The following GRM8 variants were observed in gnomAD, a reference collection of about 807,000 sequenced individuals.
The protein encoded by GRM8 is metabotropic glutamate receptor 8.
In GRM8, 47 loss-of-function variants were observed where a neutral mutation model predicts 87.2. The ratio of observed to expected loss-of-function variants is 0.54; its 90% CI spans 0.43 to 0.69. The LOEUF (loss-of-function observed/expected upper bound fraction) is 0.69. Among genes scored for constraint, GRM8 ranks in the 30% least tolerant of loss-of-function variants. GRM8 has a pLI of 0.00. For missense variants in GRM8, 1,019 were observed against 1,139.2 expected, an observed-to-expected ratio of 0.89 and a Z score of 1.52; for synonymous variants, 396 against 404.5, an observed-to-expected ratio of 0.98 and a Z score of 0.25.
intron 2 of GRM8, among the ~76,000 whole-genome samples, chr7:127,182,640 TG>T (rs1794521766): frequency 2.5e-5 from 1 of 40,114 alleles, no homozygotes; most frequent in Non-Finnish European, 5.1e-5. Flanking sequence ...GTGGTGTGTG[TG>T]TGTGTGTGTG....
At chr7:126,461,698 C>T (rs147655327) in intron 9 of GRM8, among the ~76,000 whole-genome samples, 100 of 151,688 alleles carry the variant, frequency 6.6e-4, no homozygotes, top group African/African-American at 2.3e-3. Context: ...GGCTCTGGTA[C>T]CTAGGCTTGC....
chr7:126,601,925 T>C (rs1326757593), intron 8 of GRM8, among the ~76,000 whole-genome samples: 1 of 137,966 alleles, frequency 7.2e-6, no homozygotes, highest in Non-Finnish European at 1.6e-5. Flanking sequence ...GTGCAGAAGC[T>C]CTTTAGTTTA....
intron 2 of GRM8, among the ~76,000 whole-genome samples, chr7:127,213,787 G>A (rs558246656): frequency 5.3e-4 from 81 of 152,196 alleles, no homozygotes; most frequent in African/African-American, 1.6e-3. Flanking sequence ...ATATGGTTTT[G>A]TTTACTGAAC....
intron 1 of GRM8, among the ~76,000 whole-genome samples, chr7:127,249,564 G>T (rs1487734577): frequency 6.6e-6 from 1 of 152,148 alleles, no homozygotes; most frequent in Non-Finnish European, 1.5e-5. Flanking sequence ...AGGGTGTCCT[G>T]GGATGAGACA....
chr7:126,676,215 T>C lies in GRM8; in HGVS notation c.1358-66717A>G, dbSNP rs548678588. On this transcript the variant is annotated intron_variant, in intron 7 of 10. Coordinates refer to ENST00000339582, the MANE Select transcript of GRM8 (RefSeq NM_000845.3). The stretch of plus-strand genomic sequence containing the variant: ...TCTCTACAAGGAGACTATCACATGC[T>C]GCTGAAATAAATCACACAAACACAT... 2.8e-4 allele frequency among the ~76,000 whole-genome samples: 43 copies of C among 152,202 alleles called. No homozygotes were observed. The South Asian group carries it at 8.9e-3, about 32-fold the overall frequency.
chr7:126,439,165 G>A lies in GRM8; in HGVS notation c.2681C>T (p.Ser894Phe), dbSNP rs758867322. Residue 894 changes from serine (S) to phenylalanine (F), a missense_variant, in exon 11 of 11, where the codon TCC becomes TTC. Ser to Phe is a radical substitution (Grantham distance 155, BLOSUM62 -2). Coordinates refer to ENST00000339582, the MANE Select transcript of GRM8 (RefSeq NM_000845.3). ...ACTGATATATGTTGTCTTGGTAGAG[G>A]AAGCTGTTAAGATAAATGAGGACAA... ...ELCESLETNT[S>F]STKTTYISYS... 1 of 1,538,202 alleles carries A rather than the reference G, an allele frequency of 6.5e-7. No individual in the cohort carries two copies. The highest frequency in any genetic ancestry group is 2.3e-5 in the East Asian group (1 of 44,392).
At chr7:127,140,626 T>A (rs541453953) in intron 2 of GRM8, among the ~76,000 whole-genome samples, 1 of 152,100 alleles carries the variant, frequency 6.6e-6, no homozygotes, top group Non-Finnish European at 1.5e-5. Flanking sequence ...CCCTGACTGA[T>A]TTCCATCTCT....
chr7:126,949,557 C>T lies in GRM8; in HGVS notation c.728-44874G>A, dbSNP rs115393250. Among the ~76,000 whole-genome samples, 4 of 152,246 alleles carry T rather than the reference C, an allele frequency of 2.6e-5. No homozygotes were observed. The South Asian group carries it at 8.3e-4, about 32-fold the overall frequency. On this transcript the variant is annotated intron_variant, in intron 3 of 10. Transcript: ENST00000339582. ...AAAGCAGTATGCCTATCTCTGTCCT[C>T]GAATATCTCCATGGTTTTGTGAGTT...
At chr7:126,715,026 T>C (rs769205720) in intron 7 of GRM8, among the ~76,000 whole-genome samples, 1 of 152,206 alleles carries the variant, frequency 6.6e-6, no homozygotes, top group Admixed American at 6.5e-5. Context: ...TCTCAATCTA[T>C]GGTACATATC....
chr7:127,196,587 T>C (rs1311784564), intron 2 of GRM8, among the ~76,000 whole-genome samples: 1 of 151,958 alleles, frequency 6.6e-6, no homozygotes, highest in East Asian at 1.9e-4. Flanking sequence ...CAAGTATCCT[T>C]TAGATAACAT....
intron 6 of GRM8, among the ~76,000 whole-genome samples, chr7:126,881,842 G>A (rs1291560041): frequency 6.6e-6 from 1 of 152,174 alleles, no homozygotes; most frequent in Non-Finnish European, 1.5e-5. Context: ...AGTGCTAAAT[G>A]AATTGTAACT....
At chr7:127,002,783 G>GTA (rs1813861753) in intron 3 of GRM8, among the ~76,000 whole-genome samples, 1 of 151,698 alleles carries the variant, frequency 6.6e-6, no homozygotes, top group Non-Finnish European at 1.5e-5. Context: ...AAGTGATGGT[G>GTA]TATATATTCC....
At chr7:126,775,277 T>A (rs1186657237) in intron 6 of GRM8, among the ~76,000 whole-genome samples, 1 of 152,088 alleles carries the variant, frequency 6.6e-6, no homozygotes, top group Non-Finnish European at 1.5e-5. Context: ...TAGGCCCAGA[T>A]TTAGAAGTCA....
chr7:127,205,571 CAT>C (rs753835182), intron 2 of GRM8, among the ~76,000 whole-genome samples: 18 of 152,144 alleles, frequency 1.2e-4, no homozygotes, highest in Non-Finnish European at 2.1e-4. Flanking sequence ...AGGTCACTGA[CAT>C]AAGAGTCAGC....
chr7:127,111,346 G>A (rs1826330923), intron 2 of GRM8, among the ~76,000 whole-genome samples: 1 of 152,016 alleles, frequency 6.6e-6, no homozygotes, highest in African/African-American at 2.4e-5. Flanking sequence ...ATTATTAATA[G>A]GAGTTAGCAG....
In GRM8 at chr7:127,239,155, G is replaced by C. The variant is rs530016338; in HGVS notation, c.510+3540C>G. ...TCTCCTTCACATTTTAGTTCAGGAA[G>C]ATACTGCAGGTAAAATACATGGCCT... On this transcript the variant is annotated intron_variant, in intron 2 of 10. Coordinates refer to ENST00000339582, the MANE Select transcript of GRM8 (RefSeq NM_000845.3). Among the ~76,000 whole-genome samples, 10 of 152,316 alleles carry C rather than the reference G, an allele frequency of 6.6e-5. No homozygotes were observed. In the East Asian group the frequency reaches 1.9e-3, roughly 29 times the overall value.
chr7:126,994,395 A>C (rs1198310607), intron 3 of GRM8, among the ~76,000 whole-genome samples: 2 of 152,128 alleles, frequency 1.3e-5, no homozygotes, highest in Non-Finnish European at 2.9e-5. Flanking sequence ...GGCTTCAGCT[A>C]CCAGCTCAGC....
At chr7:126,571,393 T>C (rs80321876) in intron 8 of GRM8, among the ~76,000 whole-genome samples, 2,636 of 152,238 alleles carry the variant, frequency 0.017, 89 homozygotes, top group African/African-American at 0.06. Flanking sequence ...TTAAATACTG[T>C]ACTGAAAATA....
intron 2 of GRM8, among the ~76,000 whole-genome samples, chr7:127,185,584 A>G (rs1215653742): frequency 1.3e-5 from 2 of 152,116 alleles, no homozygotes; most frequent in Non-Finnish European, 2.9e-5. Context: ...TACAACACCA[A>G]AGCATAATCT....
Sources: gnomAD v4.1 joint callset for allele counts (sites outside exome capture counted in the v4.1 genomes callset) on GRCh38, gnomAD v4.1.1 for gene constraint, MANE v1.5 for transcripts, NCBI Gene and HGNC (gene_info 2026-07-23, HGNC 2026-07-21) for gene names.